Variants in CNBD1 observed in about 807,000 individuals in gnomAD.
The protein encoded by CNBD1 is cyclic nucleotide-binding domain-containing protein 1.
Under a neutral mutation model 54.4 loss-of-function variants are expected in CNBD1, and 71 were observed. The ratio of observed to expected loss-of-function variants is 1.30; its 90% CI spans 1.08 to 1.59. The LOEUF (loss-of-function observed/expected upper bound fraction) is 1.59, where lower values mean the gene tolerates loss of function less well. Ranked by LOEUF, CNBD1 falls within the 40% of genes most tolerant of loss-of-function variation. The pLI is 0.00. For missense variants in CNBD1, 659 were observed against 518.0 expected, an observed-to-expected ratio of 1.27 and a Z score of -2.64; for synonymous variants, 182 against 170.7, an observed-to-expected ratio of 1.07 and a Z score of -0.51.
At chr8:86,970,773 C>T (rs952911550) in intron 4 of CNBD1, among the ~76,000 whole-genome samples, 3 of 152,124 alleles carry the variant, frequency 2.0e-5, no homozygotes, top group Admixed American at 2.0e-4. Flanking sequence ...CATGTTGTTG[C>T]AAAGGACATG....
chr8:87,038,607 A>G (rs1809999082), intron 4 of CNBD1, among the ~76,000 whole-genome samples: 1 of 152,120 alleles, frequency 6.6e-6, no homozygotes, highest in South Asian at 2.1e-4. Flanking sequence ...AAATCTTGCA[A>G]CCTCCAGAAT....
intron 6 of CNBD1, among the ~76,000 whole-genome samples, chr8:87,278,695 A>T (rs933370430): frequency 7.9e-5 from 12 of 151,670 alleles, no homozygotes; most frequent in East Asian, 3.9e-4. Flanking sequence ...GTTATCCAGA[A>T]TTCAAGTACA....
chr8:87,262,211 T>C (rs765873222), intron 6 of CNBD1, among the ~76,000 whole-genome samples: 55 of 152,106 alleles, frequency 3.6e-4, no homozygotes, highest in Non-Finnish European at 7.2e-4. Context: ...GAACATTATG[T>C]TTTTATTAGA....
intron 8 of CNBD1, among the ~76,000 whole-genome samples, chr8:87,345,665 G>A (rs566225822): frequency 3.9e-5 from 6 of 152,082 alleles, no homozygotes; most frequent in South Asian, 4.2e-4. Flanking sequence ...TTGTAGATTC[G>A]AAACTGAACT....
chr8:87,382,872 C>A, downstream of CNBD1: 1 of 367,784 alleles, frequency 2.7e-6, no homozygotes, highest in Non-Finnish European at 4.9e-6. Context: ...TCTGTTGATA[C>A]GAAGGTTTTC....
At chr8:87,254,589 A>G (rs979702755) in intron 6 of CNBD1, among the ~76,000 whole-genome samples, 3 of 152,172 alleles carry the variant, frequency 2.0e-5, no homozygotes, top group Non-Finnish European at 4.4e-5. Context: ...ATGTAGAGGG[A>G]TGGTGCTAAT....
chr8:87,028,377 A>G (rs1809702405), intron 4 of CNBD1, among the ~76,000 whole-genome samples: 1 of 152,222 alleles, frequency 6.6e-6, no homozygotes, highest in Admixed American at 6.5e-5. Context: ...TAAGACTCCC[A>G]GTCCTTGGCA....
At chr8:87,134,497 G>A (rs1055589570) in intron 4 of CNBD1, among the ~76,000 whole-genome samples, 2 of 150,938 alleles carry the variant, frequency 1.3e-5, no homozygotes, top group African/African-American at 4.9e-5. Flanking sequence ...AGAATCAAAA[G>A]GAAATTCTAA....
At chr8:87,373,729 G>A (rs919845652) in intron 10 of CNBD1, among the ~76,000 whole-genome samples, 6 of 151,676 alleles carry the variant, frequency 4.0e-5, no homozygotes, top group African/African-American at 1.5e-4. Context: ...ATATTAGTCA[G>A]ATATCAAGTT....
intron 10 of CNBD1, among the ~76,000 whole-genome samples, chr8:87,359,490 C>A (rs886265711): frequency 1.3e-5 from 2 of 151,998 alleles, no homozygotes; most frequent in African/African-American, 4.8e-5. Context: ...TCTAATATTT[C>A]ATATTCTATT....
chr8:87,424,526 G>T lies in CNBD1; in HGVS notation c.214-4020G>T, dbSNP rs569425956. Reference sequence around the variant, plus strand: ...ACATCTTTATTTCTGCCTTCATTTCGTTATGTACCCAGTAGTCATTCAGGA... The same window carrying T: ...ACATCTTTATTTCTGCCTTCATTTCTTTATGTACCCAGTAGTCATTCAGGA... On this transcript the variant is annotated intron_variant, in intron 2 of 7. Coordinates refer to the CNBD1 transcript ENST00000521593. Among the ~76,000 whole-genome samples the T allele has an allele frequency of 3.2e-3, 483 of 152,146 alleles. 2 individuals are homozygous for T. The highest frequency in any genetic ancestry group is 0.011 in the African/African-American group (450 of 41,470).
At chr8:86,921,028 A>G (rs1237157539) in intron 3 of CNBD1, among the ~76,000 whole-genome samples, 1 of 152,194 alleles carries the variant, frequency 6.6e-6, no homozygotes, top group Non-Finnish European at 1.5e-5. Context: ...CTGAAAACCT[A>G]GAGCAAATGG....
rs192751960 is a variant in CNBD1 at position 87,364,674 on chromosome 8, G to T, written c.1303+10888G>T. Among the ~76,000 whole-genome samples, 397 of 151,750 alleles carry T rather than the reference G, an allele frequency of 2.6e-3. 4 individuals carry two copies. Among genetic ancestry groups the T allele is most frequent in the African/African-American group, 9.1e-3 (377 of 41,410 alleles). On this transcript the variant is annotated intron_variant, in intron 10 of 10. Transcript: ENST00000518476. Reference sequence around the variant, plus strand: ...CCCCCTCTCTGATAGGCCCCAGTGTGTATTGTTCCCCTTTGTGCATTCATG... The same window carrying T: ...CCCCCTCTCTGATAGGCCCCAGTGTTTATTGTTCCCCTTTGTGCATTCATG...
At chr8:87,126,323 C>A (rs1440919071) in intron 4 of CNBD1, among the ~76,000 whole-genome samples, 1 of 151,888 alleles carries the variant, frequency 6.6e-6, no homozygotes, top group African/African-American at 2.4e-5. Context: ...CTCTCCACAT[C>A]CTTAGTCTTT....
At chr8:87,353,582 A>T (rs1279713346) in intron 9 of CNBD1, 54 bp from the exon 10 acceptor site, 2 of 1,159,296 alleles carry the variant, frequency 1.7e-6, no homozygotes, top group Non-Finnish European at 2.5e-6. Flanking sequence ...AACAATACTG[A>T]TTCATTATAT....
chr8:87,051,015 G>A (rs936119582), intron 4 of CNBD1, among the ~76,000 whole-genome samples: 1 of 152,148 alleles, frequency 6.6e-6, no homozygotes, highest in Admixed American at 6.5e-5. Context: ...GTTAATATTG[G>A]TTTCCACTAA....
intron 4 of CNBD1, among the ~76,000 whole-genome samples, chr8:87,003,623 A>AT (rs1427480086): frequency 6.6e-5 from 10 of 152,174 alleles, no homozygotes; most frequent in Admixed American, 2.6e-4. Context: ...ATTTTATTTT[A>AT]TTTTTTTTAA....
chr8:86,883,903 G>A, intron 1 of CNBD1, among the ~76,000 whole-genome samples: 1 of 152,086 alleles, frequency 6.6e-6, no homozygotes, highest in East Asian at 1.9e-4. Context: ...TGTAATCCCA[G>A]CACTTTGGGA....
chr8:87,313,413 T>G (rs1365893593), intron 8 of CNBD1, among the ~76,000 whole-genome samples: 1 of 152,048 alleles, frequency 6.6e-6, no homozygotes, highest in East Asian at 1.9e-4. Flanking sequence ...GCAGTTACAC[T>G]CAAGAAGTAC....
Sources: allele counts gnomAD v4.1 joint callset (sites outside exome capture counted in the v4.1 genomes callset), GRCh38; gene constraint gnomAD v4.1.1; transcripts MANE v1.5; gene names NCBI Gene and HGNC (gene_info 2026-07-23, HGNC 2026-07-21).